The following MTRF1 variants were observed in gnomAD, a reference collection of about 807,000 sequenced individuals.
The protein encoded by MTRF1 is peptide chain release factor 1, mitochondrial.
A neutral mutation model predicts 62.9 loss-of-function variants in MTRF1; 51 were observed. The observed-to-expected ratio is 0.81, with a 90% CI of 0.65 to 1.02. MTRF1 has a LOEUF of 1.02. Among genes scored for constraint, MTRF1 ranks in the 50% least tolerant of loss-of-function variants. The probability of loss-of-function intolerance (pLI) is 0.00; values close to 1 mark genes in which losing one functional copy is unlikely to be tolerated. For missense variants in MTRF1, 446 were observed against 530.0 expected (o/e 0.84, Z 1.56); for synonymous variants, 158 against 181.9 (o/e 0.87, Z 1.06).
At chr13:41,217,316 CATT>C (rs1393649132) in intron 9 of MTRF1, 88 bp from the exon 10 acceptor site, 12 of 731,420 alleles carry the variant, frequency 1.6e-5, no homozygotes, top group Non-Finnish European at 2.7e-5. Context: ...TCTTTGCAGT[CATT>C]ATTTAATAAC....
chr13:41,246,902 T>C (rs1215652470), intron 5 of MTRF1, among the ~76,000 whole-genome samples: 2 of 152,244 alleles, frequency 1.3e-5, no homozygotes, highest in Non-Finnish European at 2.9e-5. Flanking sequence ...AAGCTTCTCT[T>C]CTTCCTAGCT....
At chr13:41,286,329 T>G in the MTRF1 span, among the ~76,000 whole-genome samples, 36 of 152,288 alleles carry the variant, frequency 2.4e-4, no homozygotes, top group African/African-American at 8.4e-4. Context: ...GGAAGAAAGA[T>G]TCTAGCCAGA....
the MTRF1 span, among the ~76,000 whole-genome samples, chr13:41,299,025 A>T: frequency 6.6e-6 from 1 of 152,138 alleles, no homozygotes. Flanking sequence ...ACTAAAAAAT[A>T]CAAAAATTAG....
intron 5 of MTRF1, among the ~76,000 whole-genome samples, chr13:41,247,038 T>C (rs1467818422): frequency 6.6e-6 from 1 of 152,140 alleles, no homozygotes; most frequent in African/African-American, 2.4e-5. Flanking sequence ...AGTATATGAG[T>C]AGTGCCTCAA....
the MTRF1 span, among the ~76,000 whole-genome samples, chr13:41,309,996 C>CA: frequency 5.3e-5 from 8 of 151,836 alleles, no homozygotes; most frequent in Non-Finnish European, 1.0e-4. Context: ...AACATCGTCT[C>CA]AAAAAAAGGA....
At chr13:41,258,026 G>C (rs2039958385) in intron 2 of MTRF1, among the ~76,000 whole-genome samples, 1 of 152,132 alleles carries the variant, frequency 6.6e-6, no homozygotes, top group South Asian at 2.1e-4. Flanking sequence ...TACAACCAAG[G>C]CTGAAAGAAG....
the MTRF1 span, chr13:41,287,884 T>C: frequency 2.6e-6 from 1 of 382,592 alleles, no homozygotes; most frequent in South Asian, 2.4e-5. Context: ...ATCTCCTTAT[T>C]CCTGGCTAAA....
At chr13:41,227,230 T>C (rs920849337) in intron 7 of MTRF1, among the ~76,000 whole-genome samples, 3 of 150,910 alleles carry the variant, frequency 2.0e-5, no homozygotes, top group East Asian at 3.9e-4. Context: ...GAGGTTGCAG[T>C]CAGCCGAGAT....
At chr13:41,251,320 C>T (rs2039031211) in intron 5 of MTRF1, among the ~76,000 whole-genome samples, 1 of 152,170 alleles carries the variant, frequency 6.6e-6, no homozygotes, top group African/African-American at 2.4e-5. Context: ...ATCCATCCAT[C>T]CATCACTATT....
chr13:41,249,226 C>G (rs2038698736), intron 5 of MTRF1, among the ~76,000 whole-genome samples: 1 of 152,102 alleles, frequency 6.6e-6, no homozygotes, highest in Non-Finnish European at 1.5e-5. Flanking sequence ...CTTTTCTTCT[C>G]CTAACTGCTT....
intron 2 of MTRF1, among the ~76,000 whole-genome samples, chr13:41,255,074 C>G (rs1051066583): frequency 6.6e-5 from 10 of 152,246 alleles, no homozygotes; most frequent in African/African-American, 2.4e-4. Flanking sequence ...CTGGAGTGAG[C>G]ATTTCCTGTC....
At chr13:41,261,757 A>G (rs2040476835) in intron 1 of MTRF1, 15 of 982,454 alleles carry the variant, frequency 1.5e-5, no homozygotes, top group Non-Finnish European at 1.8e-5. Context: ...TTGCCTGTTC[A>G]GGACTCAGTA....
intron 7 of MTRF1, among the ~76,000 whole-genome samples, chr13:41,230,029 A>G (rs1217824553): frequency 1.3e-5 from 2 of 151,888 alleles, no homozygotes; most frequent in African/African-American, 4.8e-5. Flanking sequence ...TGAACACTGG[A>G]GGCAGAGGTT....
intron 7 of MTRF1, among the ~76,000 whole-genome samples, chr13:41,227,088 C>T (rs1361732633): frequency 6.6e-6 from 1 of 151,914 alleles, no homozygotes; most frequent in Non-Finnish European, 1.5e-5. Context: ...CAGGAGATCA[C>T]GACCATACTG....
chr13:41,308,556 T>A, the MTRF1 span, among the ~76,000 whole-genome samples: 1 of 152,152 alleles, frequency 6.6e-6, no homozygotes, highest in African/African-American at 2.4e-5. Context: ...GAGGAGGCAC[T>A]TCTGTGTGCT....
At chr13:41,248,867 AAT>A (rs1279797410) in intron 5 of MTRF1, among the ~76,000 whole-genome samples, 2 of 152,220 alleles carry the variant, frequency 1.3e-5, no homozygotes, top group African/African-American at 4.8e-5. Flanking sequence ...TTTACAGATC[AAT>A]AGTGTCAGAC....
chr13:41,264,699 C>T (rs1332939), upstream of MTRF1, among the ~76,000 whole-genome samples: 2 of 151,992 alleles, frequency 1.3e-5, no homozygotes, highest in African/African-American at 4.8e-5. Context: ...TTTTTACAAC[C>T]TTAAAATACT....
In MTRF1 at chr13:41,253,110, GA is replaced by G. The variant is rs1196739125; in HGVS notation, c.508-81del. 1.7e-5 allele frequency: 18 copies of G among 1,082,804 alleles called. No homozygotes were observed. The Admixed American group carries it at 3.5e-4, about 21-fold the overall frequency. 67.1% of individuals were successfully genotyped at this position (1,082,804 alleles called of 1,614,324 possible). On this transcript the variant is annotated intron_variant, in intron 3 of 9. Transcript: ENST00000379480. ...ATTAAATAAAGGCCCGAAAAACATT[GA>G]AAAAAATCAATAATTGGCAAAATCA...
chr13:41,287,518 T>C, the MTRF1 span, among the ~76,000 whole-genome samples: 1 of 152,186 alleles, frequency 6.6e-6, no homozygotes, highest in Non-Finnish European at 1.5e-5. Flanking sequence ...AAATAAGGCT[T>C]TAAGAAGTCT....
Sources: allele counts gnomAD v4.1 joint callset (sites outside exome capture counted in the v4.1 genomes callset), GRCh38; gene constraint gnomAD v4.1.1; transcripts MANE v1.5; gene names NCBI Gene and HGNC (gene_info 2026-07-23, HGNC 2026-07-21).